The following ENG variants were observed in gnomAD, a reference collection of about 807,000 sequenced individuals.
The protein encoded by ENG is CD105 antigen.
A neutral mutation model predicts 71.0 loss-of-function variants in ENG; 17 were observed. That is an observed-to-expected ratio of 0.24 (90% CI 0.16 to 0.36). ENG has a LOEUF of 0.36. Among genes scored for constraint, ENG ranks in the 10% least tolerant of loss-of-function variants. The pLI, the probability that ENG is intolerant of heterozygous loss-of-function variation, is 1.00. For synonymous variants in ENG, 360 were observed against 366.9 expected, an observed-to-expected ratio of 0.98 and a Z score of 0.21; for missense variants, 749 against 868.3, an observed-to-expected ratio of 0.86 and a Z score of 1.73.
rs1350889058 is a variant in ENG at position 127,836,775 on chromosome 9, A to C, written c.219+6319T>G. 6.6e-6 allele frequency among the ~76,000 whole-genome samples: 1 copy of C among 152,188 alleles called. No individual in the cohort carries two copies. The highest frequency in any genetic ancestry group is 1.5e-5 in the Non-Finnish European group (1 of 68,034). ...AAAGTAGGTTGTCCAGTGCCCAGCT[A>C]AACATGTGGGAGTAGTTTGGCTTTT... On this transcript the variant is annotated intron_variant, in intron 2 of 14. Transcript: ENST00000373203. The surrounding 1 kb of genome is among the most constrained non-coding windows in gnomAD (Gnocchi z 4.0).
Position 127,815,492 on chromosome 9 carries a change from A to AC in ENG, c.*189dup. The AC allele has an allele frequency of 1.7e-6, 2 of 1,151,796 alleles. No homozygotes were observed. Among genetic ancestry groups the AC allele is most frequent in the South Asian group, 3.3e-5 (2 of 60,652 alleles). 71.3% of individuals were successfully genotyped at this position (1,151,796 alleles called of 1,614,324 possible). On this transcript the variant is annotated 3_prime_UTR_variant, in exon 15 of 15. Transcript: ENST00000373203. Reference sequence around the variant, plus strand: ...GTTGAAGGTTCTGTGGGGTGGAGGGACCCCAAGGTGTTCCAAGCCAGTGGC... The same window carrying AC: ...GTTGAAGGTTCTGTGGGGTGGAGGGACCCCCAAGGTGTTCCAAGCCAGTGGC...
At chr9:127,816,358 G>T (rs1172511576) in intron 13 of ENG, 3 of 476,586 alleles carry the variant, frequency 6.3e-6, no homozygotes, top group Non-Finnish European at 7.8e-6. Flanking sequence ...GGAAACTGAG[G>T]CTCGGGAGTA....
At chr9:127,818,011 G>A (rs1006225285) in intron 12 of ENG, 109 bp downstream of exon 12, 9 of 1,565,872 alleles carry the variant, frequency 5.7e-6, no homozygotes, top group South Asian at 2.2e-5. Context: ...TTAAGGCTCC[G>A]CCCCTCACCA....
rs1435489205 is a variant in ENG at position 127,815,658 on chromosome 9, C to A, written c.*24G>T. The A allele has an allele frequency of 1.3e-6, 2 of 1,547,738 alleles. No individual in the cohort carries two copies. The highest frequency in any genetic ancestry group is 1.7e-6 in the Non-Finnish European group (2 of 1,153,764). On this transcript the variant is annotated 3_prime_UTR_variant, in exon 15 of 15. Coordinates refer to ENST00000373203, the MANE Select transcript of ENG (RefSeq NM_001114753.3). ...GCTGGCGGCTGCTCAGTCTCTCCTGCTGGGCGAGCGCGGGGGGCCGGGGCT... is the reference window on the plus strand; with the variant it reads ...GCTGGCGGCTGCTCAGTCTCTCCTGATGGGCGAGCGCGGGGGGCCGGGGCT...
intron 4 of ENG, among the ~76,000 whole-genome samples, chr9:127,826,274 C>T (rs1287884587): frequency 2.0e-5 from 3 of 152,204 alleles, no homozygotes; most frequent in African/African-American, 4.8e-5. Context: ...CACAATAGAT[C>T]GTATGAAAAT....
At chr9:127,820,835 A>T (rs568389691) in intron 8 of ENG, among the ~76,000 whole-genome samples, 43 of 151,568 alleles carry the variant, frequency 2.8e-4, no homozygotes, top group African/African-American at 1.0e-3. Context: ...TCTCAAAAAA[A>T]AAAAATATAT....
At chr9:127,839,898 A>G (rs1830986721) in intron 2 of ENG, among the ~76,000 whole-genome samples, 1 of 152,168 alleles carries the variant, frequency 6.6e-6, no homozygotes, top group African/African-American at 2.4e-5. Context: ...GGTTCAAATT[A>G]TTCAACTGAT....
chr9:127,854,270 T>C lies in ENG; in HGVS notation c.67+19A>G. 6.4e-7 allele frequency: 1 copy of C among 1,573,502 alleles called. No homozygotes were observed. The highest frequency in any genetic ancestry group is 2.4e-5 in the East Asian group (1 of 42,364). Reference sequence around the variant, plus strand: ...CACCGGAGGCCGAGTCTCCCCACCCTGGGTCCCTGGACACCTACTTGTGGG... The same window carrying C: ...CACCGGAGGCCGAGTCTCCCCACCCCGGGTCCCTGGACACCTACTTGTGGG... On this transcript the variant is annotated intron_variant, in intron 1 of 14. Transcript: ENST00000373203.
At chr9:127,834,135 T>C (rs1373544460) in intron 2 of ENG, among the ~76,000 whole-genome samples, 6 of 152,204 alleles carry the variant, frequency 3.9e-5, no homozygotes. Context: ...TGCAATGGCA[T>C]GATCTCGGCT....
chr9:127,817,261 C>G (rs1830347355), intron 12 of ENG, 58 bp from the exon 13 acceptor site: 2 of 1,585,992 alleles, frequency 1.3e-6, no homozygotes, highest in South Asian at 2.2e-5. Flanking sequence ...TCCAGGTTTA[C>G]TCCCTGGCTC....
chr9:127,829,554 G>C (rs1830708397), intron 3 of ENG, 133 bp downstream of exon 3: 14 of 1,253,130 alleles, frequency 1.1e-5, no homozygotes, highest in Non-Finnish European at 1.6e-5. Flanking sequence ...GCAGGACCCT[G>C]GTGAATAATG....
intron 1 of ENG, among the ~76,000 whole-genome samples, chr9:127,844,235 C>T (rs1246220725): frequency 1.3e-5 from 2 of 151,646 alleles, no homozygotes; most frequent in African/African-American, 4.8e-5. Context: ...AAGTGATTCT[C>T]CTGCCTCAGC....
chr9:127,825,650 C>T (rs1830593969), intron 5 of ENG, 45 bp downstream of exon 5: 7 of 1,424,120 alleles, frequency 4.9e-6, no homozygotes, highest in Middle Eastern at 2.5e-4. Flanking sequence ...GGGGGGTGGT[C>T]TCTCGGGGTG....
chr9:127,819,472 C>A, intron 10 of ENG, 150 bp downstream of exon 10: 1 of 1,004,028 alleles, frequency 1.0e-6, no homozygotes, highest in Non-Finnish European at 1.5e-6. Context: ...AGTCCTGCTC[C>A]GGTCATACAG....
At chr9:127,851,827 T>C (rs983676950) in intron 1 of ENG, among the ~76,000 whole-genome samples, 2 of 152,016 alleles carry the variant, frequency 1.3e-5, no homozygotes, top group African/African-American at 4.8e-5. Flanking sequence ...GCAGCGAGCC[T>C]AGATTGTGCC....
intron 1 of ENG, among the ~76,000 whole-genome samples, chr9:127,847,365 G>T (rs1263617445): frequency 6.6e-6 from 1 of 152,144 alleles, no homozygotes; most frequent in Admixed American, 6.5e-5. Context: ...GGTAACCCCT[G>T]TTGAGTGCCT....
At chr9:127,835,260 A>G (rs1830869581) in intron 2 of ENG, among the ~76,000 whole-genome samples, 1 of 152,180 alleles carries the variant, frequency 6.6e-6, no homozygotes, top group Non-Finnish European at 1.5e-5. Context: ...CGGCCTCCCA[A>G]AGTGCTGGGA....
chr9:127,817,867 A>AGGAT (rs762517703), intron 12 of ENG: 9 of 593,872 alleles, frequency 1.5e-5, no homozygotes, highest in African/African-American at 3.7e-5. Flanking sequence ...GGTAAGTGAA[A>AGGAT]GGATGGATGG....
In ENG at chr9:127,846,033, C is replaced by T. The variant is rs1831161867; in HGVS notation, c.68-2788G>A. The stretch of plus-strand genomic sequence containing the variant: ...CAGCATGCCTGGCCGGCAGCTTTCT[C>T]TTAATTACAATTATTTGACTGACTT... On this transcript the variant is annotated intron_variant, in intron 1 of 14. Transcript: ENST00000373203. This position sits in a 1 kb window ranked among gnomAD's most constrained non-coding sequence, Gnocchi z 5.5. 1.3e-5 allele frequency among the ~76,000 whole-genome samples: 2 copies of T among 152,182 alleles called. No homozygotes were observed. Among genetic ancestry groups the T allele is most frequent in the Admixed American group, 6.5e-5 (1 of 15,280 alleles).
Sources: allele counts gnomAD v4.1 joint callset (sites outside exome capture counted in the v4.1 genomes callset), GRCh38; gene constraint gnomAD v4.1.1; non-coding constraint Gnocchi (gnomAD v3.1); transcripts MANE v1.5; gene names NCBI Gene and HGNC (gene_info 2026-07-23, HGNC 2026-07-21).